ZNF140: variants seen among roughly 807,000 people sequenced by gnomAD.
ZNF140 encodes zinc finger protein 140, also known as zinc finger protein 140 (clone pHZ-39).
A neutral mutation model predicts 12.9 loss-of-function variants in ZNF140; 13 were observed. The observed-to-expected ratio is 1.01, with a 90% confidence interval of 0.66 to 1.60. The LOEUF (loss-of-function observed/expected upper bound fraction) is 1.60, where lower values mean the gene tolerates loss of function less well. Among genes scored for constraint, ZNF140 ranks in the 40% most tolerant of loss-of-function variants. The pLI, the probability that ZNF140 is intolerant of heterozygous loss-of-function variation, is 0.00. For missense variants in ZNF140, 531 were observed against 548.8 expected, an observed-to-expected ratio of 0.97 and a Z score of 0.32; for synonymous variants, 214 against 186.7, an observed-to-expected ratio of 1.15 and a Z score of -1.19.
At chr12:133,097,849 G>T (rs866950992) in intron 4 of ZNF140, among the ~76,000 whole-genome samples, 3 of 146,382 alleles carry the variant, frequency 2.0e-5, no homozygotes, top group East Asian at 2.0e-4. Context: ...GTGTGTGTGT[G>T]TTTTTGAGAT....
At chr12:133,102,846 TGGAG>T (rs1955401980) in intron 4 of ZNF140, among the ~76,000 whole-genome samples, 1 of 151,906 alleles carries the variant, frequency 6.6e-6, no homozygotes, top group Non-Finnish European at 1.5e-5. Context: ...AAAAAGAGTA[TGGAG>T]GTATAGTAGG....
rs1026494107 is a variant in ZNF140, at chr12:133,081,098, C to T, written c.-49+26C>T. ...GTGAGGGGGTTCTGGGGAGGCGCGC[C>T]GTGGCAGGAAGAGAAAGCCGGCGCC... On this transcript the variant is annotated intron_variant, in intron 1 of 4. Transcript: ENST00000355557. The T allele has an allele frequency of 2.3e-3, 598 of 255,412 alleles. 17 individuals are homozygous for T. The South Asian group carries it at 0.025, about 11-fold the overall frequency. 15.8% of individuals were successfully genotyped at this position (255,412 alleles called of 1,614,324 possible).
At chr12:133,103,438 TTTTTTTTG>T (rs1176773978) in intron 4 of ZNF140, among the ~76,000 whole-genome samples, 1 of 149,156 alleles carries the variant, frequency 6.7e-6, no homozygotes, top group Non-Finnish European at 1.5e-5. Flanking sequence ...ATTTTTTTTT[TTTTTTTTG>T]GGTAAAGACA....
intron 4 of ZNF140, among the ~76,000 whole-genome samples, chr12:133,104,497 G>GCC (rs1955498141): frequency 6.6e-5 from 10 of 151,742 alleles, no homozygotes; most frequent in African/African-American, 1.2e-4. Context: ...GACTACAGGT[G>GCC]CATGCCATCA....
At chr12:133,099,021 G>A (rs941384492) in intron 4 of ZNF140, among the ~76,000 whole-genome samples, 47 of 152,172 alleles carry the variant, frequency 3.1e-4, no homozygotes, top group African/African-American at 1.1e-3. Flanking sequence ...GACTACAGGC[G>A]CGAGCCACCA....
intron 4 of ZNF140, among the ~76,000 whole-genome samples, chr12:133,105,078 GATT>G (rs1463872076): frequency 6.6e-6 from 1 of 152,150 alleles, no homozygotes; most frequent in Admixed American, 6.5e-5. Flanking sequence ...TTTTCATTTA[GATT>G]ATTATAAGAT....
chr12:133,092,839 G>A (rs1954939884), intron 4 of ZNF140, among the ~76,000 whole-genome samples: 1 of 151,090 alleles, frequency 6.6e-6, no homozygotes, highest in Admixed American at 6.6e-5. Context: ...CAAATTTATT[G>A]TTTTGTAGTA....
intron 4 of ZNF140, among the ~76,000 whole-genome samples, chr12:133,084,983 G>A (rs1206884051): frequency 6.6e-6 from 1 of 151,680 alleles, no homozygotes; most frequent in Non-Finnish European, 1.5e-5. Flanking sequence ...TACAAAGGAA[G>A]TGAGGAAAAA....
intron 4 of ZNF140, among the ~76,000 whole-genome samples, chr12:133,094,568 G>C (rs1161893067): frequency 6.6e-6 from 1 of 151,060 alleles, no homozygotes; most frequent in African/African-American, 2.5e-5. Flanking sequence ...GAGAGAAAGT[G>C]GGTGGAACAC....
chr12:133,084,094 A>G (rs997389026), intron 4 of ZNF140: 14 of 412,096 alleles, frequency 3.4e-5, no homozygotes, highest in Admixed American at 1.0e-4. Context: ...CTCACCTTAT[A>G]CTTTCTTTTC....
chr12:133,105,485 T>G, intron 4 of ZNF140, 25 bp from the exon 5 acceptor site: 3 of 1,540,642 alleles, frequency 1.9e-6, no homozygotes, highest in Non-Finnish European at 2.6e-6. Context: ...AAAGAAACAT[T>G]CACTTTTTTT....
intron 2 of ZNF140, chr12:133,082,884 C>T (rs2137479365): frequency 1.8e-6 from 1 of 546,570 alleles, no homozygotes; most frequent in Admixed American, 3.2e-5. Flanking sequence ...TGTAAATTAT[C>T]TCAGGACAGA....
At chr12:133,100,577 TGAATA>T (rs1593795388) in intron 4 of ZNF140, among the ~76,000 whole-genome samples, 1 of 152,202 alleles carries the variant, frequency 6.6e-6, no homozygotes, top group Non-Finnish European at 1.5e-5. Context: ...CTTCTTCATA[TGAATA>T]GAAGACTCAT....
chr12:133,099,921 G>C (rs1955273865), intron 4 of ZNF140, among the ~76,000 whole-genome samples: 1 of 150,906 alleles, frequency 6.6e-6, no homozygotes, highest in Non-Finnish European at 1.5e-5. Flanking sequence ...CTACAGAATT[G>C]TGGGCTTGAG....
intron 4 of ZNF140, among the ~76,000 whole-genome samples, chr12:133,086,820 G>T (rs1211035756): frequency 6.6e-6 from 1 of 152,106 alleles, no homozygotes; most frequent in Non-Finnish European, 1.5e-5. Flanking sequence ...TTTGTCATGT[G>T]AGTTAGTAGT....
chr12:133,104,587 A>G (rs781467521), intron 4 of ZNF140, among the ~76,000 whole-genome samples: 194 of 152,136 alleles, frequency 1.3e-3, no homozygotes, highest in Admixed American at 4.8e-3. Context: ...TCCTGACCTC[A>G]TGATCTGCCC....
intron 4 of ZNF140, among the ~76,000 whole-genome samples, chr12:133,090,150 ATT>A (rs1301861820): frequency 1.3e-5 from 2 of 151,312 alleles, no homozygotes; most frequent in Non-Finnish European, 2.9e-5. Flanking sequence ...CACCCAGCCT[ATT>A]TTTTTGAGAC....
Position 133,106,288 on chromosome 12 carries a change from T to G in ZNF140, c.1011T>G (p.Ala337=), listed in dbSNP as rs746941486. The G allele has an allele frequency of 3.1e-6, 5 of 1,614,184 alleles. No individual in the cohort carries two copies. Among genetic ancestry groups the G allele is most frequent in the Admixed American group, 3.3e-5 (2 of 60,020 alleles). ...TPYECNECRK[A]FRCHSFLIKH... ...ATGAATGTAATGAATGTAGGAAAGC[T>G]TTCCGTTGTCACTCATTCCTTATTA... Residue 337 remains alanine, a synonymous_variant, in exon 5 of 5, where the codon GCT becomes GCG. Transcript: ENST00000355557.
chr12:133,105,236 A>C (rs1955547420), intron 4 of ZNF140, among the ~76,000 whole-genome samples: 3 of 152,236 alleles, frequency 2.0e-5, no homozygotes. Context: ...GAAGACTAGC[A>C]ACCTATCCTT....
Sources: gnomAD v4.1 joint callset for allele counts (sites outside exome capture counted in the v4.1 genomes callset) on GRCh38, gnomAD v4.1.1 for gene constraint, MANE v1.5 for transcripts, NCBI Gene and HGNC (gene_info 2026-07-23, HGNC 2026-07-21) for gene names.